Variants in TMC7 observed in about 807,000 individuals in gnomAD.
TMC7 encodes the protein transmembrane channel like 7.
TMC7 carries 54 observed loss-of-function variants against 82.9 expected under a neutral mutation model. That is an observed-to-expected ratio of 0.65 (90% CI 0.52 to 0.82). TMC7 has a LOEUF of 0.82. TMC7 is among the 40% of genes least tolerant of loss of function. The pLI, the probability that TMC7 is intolerant of heterozygous loss-of-function variation, is 0.00. For missense variants in TMC7, 820 were observed against 901.2 expected, an observed-to-expected ratio of 0.91 and a Z score of 1.15; for synonymous variants, 350 against 337.9, an observed-to-expected ratio of 1.04 and a Z score of -0.39.
chr16:18,987,217 C>T (rs1165124909), intron 1 of TMC7, among the ~76,000 whole-genome samples: 1 of 152,164 alleles, frequency 6.6e-6, no homozygotes. Flanking sequence ...TTCCTCTGAC[C>T]AGTTAGTTAC....
chr16:19,060,695 A>T (rs1483958916), intron 15 of TMC7, among the ~76,000 whole-genome samples: 1 of 151,982 alleles, frequency 6.6e-6, no homozygotes, highest in Non-Finnish European at 1.5e-5. Flanking sequence ...TAGCAACCAG[A>T]GTCATCAAGT....
In TMC7 at chr16:19,061,912, A is replaced by G. The variant is rs566001639; in HGVS notation, c.*69A>G. 3.3e-5 allele frequency: 46 copies of G among 1,379,608 alleles called. No individual in the cohort carries two copies. The highest frequency in any genetic ancestry group is 4.3e-5 in the Non-Finnish European group (43 of 995,370). The allele number at this position is 1,379,608 out of a possible 1,614,324, so 85.5% of individuals were successfully genotyped here. On this transcript the variant is annotated 3_prime_UTR_variant, in exon 16 of 16. Coordinates refer to ENST00000304381, the MANE Select transcript of TMC7 (RefSeq NM_024847.4). ...GACCTAGTGATTCTGCTGAGCCTAC[A>G]GAGTCTACCTGGGTTTTGAGTGGAC...
chr16:19,029,091 C>T lies in TMC7; in HGVS notation c.712-1133C>T, dbSNP rs914711442. On this transcript the variant is annotated intron_variant, in intron 5 of 15. Coordinates refer to ENST00000304381, the MANE Select transcript of TMC7 (RefSeq NM_024847.4). ...CACAATCTCGGCTCACTGCAAGATC[C>T]GCCTCCCGGGTTCACACCATTCTCC... 4.0e-5 allele frequency among the ~76,000 whole-genome samples: 6 copies of T among 151,456 alleles called. No homozygotes were observed. The South Asian group carries it at 6.3e-4, about 16-fold the overall frequency.
At position 19,010,133 on chromosome 16, in the gene TMC7, TCTCCCCTCCC is replaced by T. The variant is rs536946713; in HGVS notation, c.311+733_311+742del. The stretch of plus-strand genomic sequence containing the variant: ...CCCCTTCCCCCTTTCCCCTCTCTCC[TCTCCCCTCCC>T]CTCCCCTCCCCTCCTCTCCTCTCCT... On this transcript the variant is annotated intron_variant, in intron 2 of 15. Transcript: ENST00000304381. 6.9e-3 allele frequency among the ~76,000 whole-genome samples: 377 copies of T among 54,432 alleles called. 4 individuals carry two copies. Among genetic ancestry groups the T allele is most frequent in the Non-Finnish European group, 9.7e-3 (278 of 28,802 alleles). The allele number at this position is 54,432 out of a possible 152,430, so 35.7% of individuals were successfully genotyped here.
At chr16:19,020,440 G>A (rs1596751621) in intron 3 of TMC7, among the ~76,000 whole-genome samples, 1 of 152,030 alleles carries the variant, frequency 6.6e-6, no homozygotes, top group Admixed American at 6.6e-5. Flanking sequence ...TAATTAAAAA[G>A]AACTATTAAT....
At chr16:19,004,711 C>T (rs1234816641) in intron 1 of TMC7, among the ~76,000 whole-genome samples, 1 of 152,142 alleles carries the variant, frequency 6.6e-6, no homozygotes, top group Non-Finnish European at 1.5e-5. Context: ...CCATGGCCCC[C>T]TGAATTTTTT....
chr16:18,992,324 G>C (rs1351941152), intron 1 of TMC7, among the ~76,000 whole-genome samples: 1 of 152,160 alleles, frequency 6.6e-6, no homozygotes, highest in African/African-American at 2.4e-5. Context: ...TTGTGGTTTT[G>C]ATTTGCATTT....
intron 1 of TMC7, among the ~76,000 whole-genome samples, chr16:19,007,440 A>C (rs2039260286): frequency 1.3e-5 from 2 of 152,066 alleles, no homozygotes; most frequent in Admixed American, 1.3e-4. Context: ...CACCAACGAA[A>C]CCGCCCACCA....
chr16:19,059,109 CTCA>C (rs1961893128), intron 14 of TMC7, among the ~76,000 whole-genome samples: 1 of 152,112 alleles, frequency 6.6e-6, no homozygotes, highest in Non-Finnish European at 1.5e-5. Context: ...AATTCCTGAC[CTCA>C]GGTGATCCGC....
At chr16:18,993,958 C>G (rs2038994608) in intron 1 of TMC7, among the ~76,000 whole-genome samples, 1 of 151,974 alleles carries the variant, frequency 6.6e-6, no homozygotes, top group African/African-American at 2.4e-5. Context: ...CCTGGTGGAG[C>G]TGCCATCAAT....
At chr16:19,030,451 G>A in intron 6 of TMC7, 82 bp downstream of exon 6, 1 of 1,489,450 alleles carries the variant, frequency 6.7e-7, no homozygotes, top group Non-Finnish European at 9.0e-7. Context: ...GGAAGCCATT[G>A]CCTAAAGGAT....
At chr16:19,016,277 A>T (rs952994063) in intron 2 of TMC7, among the ~76,000 whole-genome samples, 173 bp from the exon 3 acceptor site, 1 of 151,682 alleles carries the variant, frequency 6.6e-6, no homozygotes, top group East Asian at 2.0e-4. Flanking sequence ...TTTAGTAGAG[A>T]TGGTGTTTCA....
chr16:18,993,084 A>T (rs1156859582), intron 1 of TMC7, among the ~76,000 whole-genome samples: 1 of 152,198 alleles, frequency 6.6e-6, no homozygotes, highest in African/African-American at 2.4e-5. Context: ...TTAAAGAAGG[A>T]TTAGAGATGG....
chr16:19,042,939 G>A (rs1009723377), intron 9 of TMC7, among the ~76,000 whole-genome samples: 2 of 151,862 alleles, frequency 1.3e-5, no homozygotes, highest in African/African-American at 4.8e-5. Flanking sequence ...GTAGAGATGG[G>A]GTTTTACTGT....
rs747991730 is a variant in TMC7, at chr16:18,984,096, C to A, written c.33C>A (p.Pro11=). The stretch of plus-strand genomic sequence containing the variant: ...AGTCCAGCGGCAGTGCGCTCCAGCC[C>A]GGCAGGCCCAGCCGGCAGCCGGCGG... MSESSGSALQ[P]GRPSRQPAVH... is the part of the protein sequence containing the mutation. The change falls in exon 1 of 16, where the codon CCC becomes CCA. Residue 11 remains proline (P), a synonymous_variant. Coordinates refer to ENST00000304381, the MANE Select transcript of TMC7 (RefSeq NM_024847.4). 1.3e-6 allele frequency: 2 copies of A among 1,503,054 alleles called. No individual in the cohort carries two copies. The highest frequency in any genetic ancestry group is 2.5e-5 in the South Asian group (2 of 80,554). The allele number at this position is 1,503,054 out of a possible 1,614,324, so 93.1% of individuals were successfully genotyped here.
intron 6 of TMC7, among the ~76,000 whole-genome samples, chr16:19,034,128 A>G (rs1182063942): frequency 6.6e-6 from 1 of 152,232 alleles, no homozygotes; most frequent in Non-Finnish European, 1.5e-5. Context: ...TAAGTCATTT[A>G]TTCATTGCTT....
chr16:19,049,547 C>T (rs1172689195), intron 12 of TMC7: 2 of 862,278 alleles, frequency 2.3e-6, no homozygotes, highest in South Asian at 5.3e-5. Context: ...ACAGGTTGGC[C>T]GAAATCATCA....
At chr16:19,056,314 G>A (rs1053371143) in intron 13 of TMC7, among the ~76,000 whole-genome samples, 1 of 152,010 alleles carries the variant, frequency 6.6e-6, no homozygotes, top group South Asian at 2.1e-4. Context: ...TCGAACTCCT[G>A]ACCTCAGGTG....
At chr16:19,014,611 T>G (rs1412064621) in intron 2 of TMC7, among the ~76,000 whole-genome samples, 1 of 152,202 alleles carries the variant, frequency 6.6e-6, no homozygotes, top group Non-Finnish European at 1.5e-5. Flanking sequence ...CAGCACCTTC[T>G]CTTTCCCCTG....
Sources: allele counts gnomAD v4.1 joint callset (sites outside exome capture counted in the v4.1 genomes callset), GRCh38; gene constraint gnomAD v4.1.1; transcripts MANE v1.5; gene names NCBI Gene and HGNC (gene_info 2026-07-23, HGNC 2026-07-21).